The following MEF2A variants were observed in gnomAD, a reference collection of about 807,000 sequenced individuals.
MEF2A encodes the protein myocyte enhancer factor 2A, also known as myocyte-specific enhancer factor 2A.
MEF2A carries 28 observed loss-of-function variants against 55.8 expected under a neutral mutation model. That is an observed-to-expected ratio of 0.50 (90% CI 0.37 to 0.69). The LOEUF (loss-of-function observed/expected upper bound fraction) is 0.69. Ranked by LOEUF, MEF2A falls within the 30% of genes least tolerant of loss-of-function variation. MEF2A has a pLI of 0.00. For synonymous variants in MEF2A, 239 were observed against 227.1 expected, an observed-to-expected ratio of 1.05 and a Z score of -0.47; for missense variants, 528 against 626.2, an observed-to-expected ratio of 0.84 and a Z score of 1.67.
Position 99,715,888 on chromosome 15 carries a change from GTCCA to G in MEF2A, c.*3119_*3122del, listed in dbSNP as rs949934366. On this transcript the variant is annotated 3_prime_UTR_variant, in exon 12 of 12. Transcript: ENST00000557942. ...AACTCCATCTTTTGAGCCCAATTAT[GTCCA>G]TTTTGTTATAGACTAAATCAGGGGT... is the stretch of plus-strand genomic sequence containing the variant. 21 of 152,360 alleles carry G rather than the reference GTCCA, an allele frequency of 1.4e-4. No individual in the cohort carries two copies. The highest frequency in any genetic ancestry group is 5.1e-4 in the African/African-American group (21 of 41,512). 9.4% of individuals were successfully genotyped at this position (152,360 alleles called of 1,614,324 possible).
At chr15:99,690,965 G>A (rs1264004883) in intron 8 of MEF2A, among the ~76,000 whole-genome samples, 1 of 152,202 alleles carries the variant, frequency 6.6e-6, no homozygotes, top group Non-Finnish European at 1.5e-5. Flanking sequence ...GACTTGAAAT[G>A]TTCCCAACAA....
chr15:99,680,756 C>T (rs1281050536), intron 7 of MEF2A, among the ~76,000 whole-genome samples: 1 of 152,002 alleles, frequency 6.6e-6, no homozygotes, highest in Non-Finnish European at 1.5e-5. Flanking sequence ...GGGAAAAATC[C>T]AAAGAGATTA....
At chr15:99,683,158 GC>G (rs2053556182) in intron 7 of MEF2A, among the ~76,000 whole-genome samples, 1 of 152,166 alleles carries the variant, frequency 6.6e-6, no homozygotes, top group African/African-American at 2.4e-5. Flanking sequence ...GCTTTCTGAA[GC>G]TTAACAGGAT....
At chr15:99,628,362 T>G (rs970915839) in intron 2 of MEF2A, among the ~76,000 whole-genome samples, 1 of 152,232 alleles carries the variant, frequency 6.6e-6, no homozygotes, top group Non-Finnish European at 1.5e-5. Flanking sequence ...GTAATCATCA[T>G]ATAATTGGGA....
chr15:99,700,691 A>G (rs1351068430), intron 8 of MEF2A, among the ~76,000 whole-genome samples: 2 of 152,172 alleles, frequency 1.3e-5, no homozygotes, highest in African/African-American at 4.8e-5. Flanking sequence ...CTGCTTGGAA[A>G]AAAATGGTTT....
intron 4 of MEF2A, among the ~76,000 whole-genome samples, chr15:99,658,008 T>TAG (rs2048023903): frequency 6.6e-6 from 1 of 152,120 alleles, no homozygotes; most frequent in African/African-American, 2.4e-5. Context: ...GTATCAGAAA[T>TAG]CTCTTTCAAA....
At chr15:99,667,956 A>C (rs149911335) in intron 4 of MEF2A, among the ~76,000 whole-genome samples, 2 of 152,242 alleles carry the variant, frequency 1.3e-5, no homozygotes, top group African/African-American at 4.8e-5. Context: ...GTATCCTTAC[A>C]TAACTAGCGT....
chr15:99,698,078 T>C (rs1199009319), intron 8 of MEF2A, among the ~76,000 whole-genome samples: 2 of 152,080 alleles, frequency 1.3e-5, no homozygotes, highest in Middle Eastern at 3.2e-3. Context: ...ATTAAAAAAT[T>C]AACTAAAATT....
intron 2 of MEF2A, among the ~76,000 whole-genome samples, chr15:99,619,728 G>A (rs1240931887): frequency 6.6e-6 from 1 of 152,194 alleles, no homozygotes; most frequent in Non-Finnish European, 1.5e-5. Flanking sequence ...TTGCAAATGT[G>A]TGGTATTTTA....
In MEF2A at chr15:99,607,940, C is replaced by T. The variant is rs569690754; in HGVS notation, c.-143+9429C>T. Among the ~76,000 whole-genome samples, 4 of 152,110 alleles carry T rather than the reference C, an allele frequency of 2.6e-5. No homozygotes were observed. The South Asian group carries it at 8.3e-4, about 32-fold the overall frequency. On this transcript the variant is annotated intron_variant, in intron 2 of 11. Transcript: ENST00000557942. ...TTATATCATCAGTTCTTATAATTTCCTGTAGGAGTTTTGAGCCATAGTCTT... is the reference window on the plus strand; with the variant it reads ...TTATATCATCAGTTCTTATAATTTCTTGTAGGAGTTTTGAGCCATAGTCTT...
chr15:99,665,695 G>T (rs1335003298), intron 4 of MEF2A, among the ~76,000 whole-genome samples: 2 of 138,340 alleles, frequency 1.4e-5, no homozygotes, highest in African/African-American at 5.6e-5. Flanking sequence ...TCTGACAAAG[G>T]GTTAATATCC....
intron 4 of MEF2A, among the ~76,000 whole-genome samples, chr15:99,651,052 CTG>C (rs986499325): frequency 2.0e-5 from 3 of 152,182 alleles, no homozygotes; most frequent in East Asian, 1.9e-4. Context: ...CAAGCACAAA[CTG>C]TAATTTTTTA....
Position 99,590,737 on chromosome 15 carries a change from A to G in MEF2A, c.-224-7693A>G, listed in dbSNP as rs960918671. ...ACCTTCATCACTTTAGAAATAATGT[A>G]AGATCCTTACTGTAGTGCACTTCCA... On this transcript the variant is annotated intron_variant, in intron 1 of 11. Transcript: ENST00000557942. Among the ~76,000 whole-genome samples, 5 of 152,018 alleles carry G rather than the reference A, an allele frequency of 3.3e-5. No individual in the cohort carries two copies. In the South Asian group the frequency reaches 8.3e-4, roughly 25 times the overall value.
intron 8 of MEF2A, among the ~76,000 whole-genome samples, chr15:99,695,551 G>GTGTGTGTGTGTGTGTGTGTGTA (rs1394565528): frequency 6.6e-6 from 1 of 151,522 alleles, no homozygotes; most frequent in East Asian, 1.9e-4. Context: ...TTGTGTGTGT[G>GTGTGTGTGTGTGTGTGTGTGTA]TGTGTGTGTG....
intron 8 of MEF2A, among the ~76,000 whole-genome samples, chr15:99,694,413 C>A (rs774393808): frequency 5.9e-5 from 9 of 152,190 alleles, no homozygotes; most frequent in Middle Eastern, 3.4e-3. Flanking sequence ...GGAATATTTC[C>A]CTTATACTAA....
intron 10 of MEF2A, among the ~76,000 whole-genome samples, chr15:99,709,263 A>G (rs892059280): frequency 2.0e-5 from 3 of 152,208 alleles, no homozygotes; most frequent in African/African-American, 7.2e-5. Flanking sequence ...AGTAGCAAGG[A>G]TAACACCCAT....
At chr15:99,622,439 A>G (rs923664974) in intron 2 of MEF2A, among the ~76,000 whole-genome samples, 4 of 152,228 alleles carry the variant, frequency 2.6e-5, no homozygotes, top group Admixed American at 6.5e-5. Flanking sequence ...CAGTACTTGC[A>G]TGATTTAAAA....
chr15:99,625,424 C>G (rs1567253959), intron 2 of MEF2A, among the ~76,000 whole-genome samples: 1 of 152,092 alleles, frequency 6.6e-6, no homozygotes, highest in African/African-American at 2.4e-5. Flanking sequence ...CATCTTAAAA[C>G]AGATATTTAT....
intron 2 of MEF2A, 67 bp from the exon 3 acceptor site, chr15:99,632,911 T>G: frequency 2.2e-6 from 1 of 445,620 alleles, no homozygotes. Flanking sequence ...AATTTGAAAT[T>G]TGTATAACAC....
Sources: gnomAD v4.1 joint callset for allele counts (sites outside exome capture counted in the v4.1 genomes callset) on GRCh38, gnomAD v4.1.1 for gene constraint, MANE v1.5 for transcripts, NCBI Gene and HGNC (gene_info 2026-07-23, HGNC 2026-07-21) for gene names.